The following ABCB7 variants were observed in gnomAD, a reference collection of about 807,000 sequenced individuals.
ABCB7 encodes iron-sulfur clusters transporter ABCB7, mitochondrial.
ABCB7 carries 7 observed loss-of-function variants against 54.4 expected under a neutral mutation model. That is an observed-to-expected ratio of 0.13 (90% CI 0.07 to 0.24). The LOEUF (loss-of-function observed/expected upper bound fraction) is 0.24. ABCB7 is among the 10% of genes least tolerant of loss of function. The pLI, the probability that ABCB7 is intolerant of heterozygous loss-of-function variation, is 1.00. For synonymous variants in ABCB7, 218 were observed against 207.1 expected (o/e 1.05, Z -0.45); for missense variants, 356 against 570.4 (o/e 0.62, Z 3.83).
intron 1 of ABCB7, among the ~76,000 whole-genome samples, chrX:75,130,141 C>A (rs189933799): frequency 9.0e-6 from 1 of 111,691 alleles, no homozygotes; most frequent in African/African-American, 3.3e-5. Flanking sequence ...GACTGATAAC[C>A]TTGAAATGTC....
At chrX:75,128,330 C>T (rs1042550032) in intron 1 of ABCB7, among the ~76,000 whole-genome samples, 1 of 111,028 alleles carries the variant, frequency 9.0e-6, no homozygotes, top group Non-Finnish European at 1.9e-5. Flanking sequence ...ACAAACCTGA[C>T]AAAAACAAGC....
intron 3 of ABCB7, among the ~76,000 whole-genome samples, chrX:75,110,081 C>T (rs2081745118): frequency 9.0e-6 from 1 of 111,669 alleles, no homozygotes; most frequent in Admixed American, 9.5e-5. Flanking sequence ...GTTTTCCGAG[C>T]TTTGTTGGTC....
At chrX:75,153,770 A>ATATATATATATATC (rs1409110667) in intron 1 of ABCB7, among the ~76,000 whole-genome samples, 1 of 102,752 alleles carries the variant, frequency 9.7e-6, no homozygotes, top group East Asian at 3.0e-4. Context: ...GTATATATAT[A>ATATATATATATATC]TATAAAATAT....
rs150594123 is a variant in ABCB7, at chrX:75,075,479, C to T, written c.738G>A (p.Thr246=). Reference sequence around the variant, plus strand: ...TGTCAATAGCCTTAGATAAAGCTCCCGTCTGTCTGCTCAGGTGAAAACCCA... The same window carrying T: ...TGTCAATAGCCTTAGATAAAGCTCCTGTCTGTCTGCTCAGGTGAAAACCCA... ...LDLGFHLSRQ[T]GALSKAIDRG... Residue 246 remains threonine, a synonymous_variant, in exon 6 of 16, where the codon ACG becomes ACA. Transcript: ENST00000373394. 90 of 1,209,496 alleles carry T rather than the reference C, an allele frequency of 7.4e-5. No homozygotes were observed. The highest frequency in any genetic ancestry group is 8.8e-5 in the African/African-American group (5 of 57,075).
At chrX:75,142,795 T>A (rs1262197100) in intron 1 of ABCB7, among the ~76,000 whole-genome samples, 1 of 112,434 alleles carries the variant, frequency 8.9e-6, no homozygotes, top group Non-Finnish European at 1.9e-5. Flanking sequence ...CCTACCTGTT[T>A]TCTCCTTCAA....
At chrX:75,089,416 G>A (rs889267914) in intron 4 of ABCB7, among the ~76,000 whole-genome samples, 1 of 111,070 alleles carries the variant, frequency 9.0e-6, no homozygotes, top group African/African-American at 3.3e-5. Flanking sequence ...TAAGTGATAG[G>A]GGGAATGAAT....
chrX:75,142,277 T>A (rs936434034), intron 1 of ABCB7, among the ~76,000 whole-genome samples: 3 of 112,121 alleles, frequency 2.7e-5, no homozygotes, highest in Non-Finnish European at 5.6e-5. Flanking sequence ...ATATTACTTG[T>A]AGTACCTAAT....
intron 3 of ABCB7, among the ~76,000 whole-genome samples, chrX:75,108,284 G>A (rs1305406515): frequency 9.0e-6 from 1 of 111,541 alleles, no homozygotes; most frequent in Non-Finnish European, 1.9e-5. Flanking sequence ...GCCACCCAGA[G>A]AGGAGGAACG....
chrX:75,138,725 A>G (rs2082033132), intron 1 of ABCB7, among the ~76,000 whole-genome samples: 2 of 111,698 alleles, frequency 1.8e-5, no homozygotes, highest in Non-Finnish European at 3.8e-5. Flanking sequence ...TTTCAGGGAT[A>G]TGAGGCCAGG....
chrX:75,125,724 C>A (rs1294516338), intron 1 of ABCB7, among the ~76,000 whole-genome samples: 1 of 111,110 alleles, frequency 9.0e-6, no homozygotes, highest in Non-Finnish European at 1.9e-5. Context: ...TAAACAGAGG[C>A]ATGATACAGA....
intron 4 of ABCB7, among the ~76,000 whole-genome samples, chrX:75,085,851 A>ATT (rs111232342): frequency 7.7e-5 from 8 of 103,711 alleles, no homozygotes; most frequent in East Asian, 3.1e-4. Flanking sequence ...AACTTTAAAT[A>ATT]TTTTTTTTTT....
At position 75,051,775 on chromosome X, in the gene ABCB7, A is replaced by G. The variant is rs1033947308; in HGVS notation, c.*1595T>C. On this transcript the variant is annotated 3_prime_UTR_variant, in exon 16 of 16. Transcript: ENST00000373394. ...TAAAGAGTATAATATGTAATACTCT[A>G]TTTACCTAAATGTTAATATTTTTTA... The G allele has an allele frequency of 2.7e-5, 3 of 112,515 alleles. No individual in the cohort carries two copies. Among genetic ancestry groups the G allele is most frequent in the African/African-American group, 9.7e-5 (3 of 30,990 alleles). 9.3% of individuals were successfully genotyped at this position (112,515 alleles called of 1,213,427 possible).
intron 2 of ABCB7, 28 bp from the exon 3 acceptor site, chrX:75,113,000 G>A (rs376996688): frequency 1.4e-4 from 157 of 1,120,810 alleles, no homozygotes; most frequent in Non-Finnish European, 1.7e-4. Flanking sequence ...CAAGCAGTCC[G>A]TTAGCTATTA....
chrX:75,060,422 G>A, intron 14 of ABCB7, 92 bp from the exon 15 acceptor site: 1 of 745,194 alleles, frequency 1.3e-6, no homozygotes, highest in Non-Finnish European at 2.0e-6. Flanking sequence ...TTTCCTAAAG[G>A]AACATAAAAA....
chrX:75,079,795 A>G (rs2081440962), intron 4 of ABCB7, among the ~76,000 whole-genome samples: 1 of 111,492 alleles, frequency 9.0e-6, no homozygotes, highest in East Asian at 2.8e-4. Flanking sequence ...CCAGCACCAC[A>G]ATCAACATAC....
rs747506707 is a variant in ABCB7 at position 75,133,355 on chromosome X, T to C, written c.169-18524A>G. Among the ~76,000 whole-genome samples, 5 of 112,027 alleles carry C rather than the reference T, an allele frequency of 4.5e-5. No homozygotes were observed. In the East Asian group the frequency reaches 8.4e-4, roughly 19 times the overall value. On this transcript the variant is annotated intron_variant, in intron 1 of 15. Transcript: ENST00000373394. The stretch of plus-strand genomic sequence containing the variant: ...GTAAACAGACCAAATCTATGACTAA[T>C]TGACATCCCTGAAAGACAGGGAGAG...
chrX:75,123,134 A>G (rs923678910), intron 1 of ABCB7, among the ~76,000 whole-genome samples: 3 of 110,460 alleles, frequency 2.7e-5, no homozygotes, highest in East Asian at 2.8e-4. Context: ...GCCTTTCCCT[A>G]TGTTTTCTTC....
chrX:75,134,892 C>T (rs1232057133), intron 1 of ABCB7, among the ~76,000 whole-genome samples: 1 of 111,223 alleles, frequency 9.0e-6, no homozygotes, highest in Non-Finnish European at 1.9e-5. Flanking sequence ...CTCAAGTTAA[C>T]AACCTAACAT....
chrX:75,116,098 C>A (rs2081815951), intron 1 of ABCB7, among the ~76,000 whole-genome samples: 1 of 111,735 alleles, frequency 8.9e-6, no homozygotes, highest in Non-Finnish European at 1.9e-5. Flanking sequence ...CTTATTAAGT[C>A]TTTTCTGGAA....
Sources: allele counts gnomAD v4.1 joint callset (sites outside exome capture counted in the v4.1 genomes callset), GRCh38; gene constraint gnomAD v4.1.1; transcripts MANE v1.5; gene names NCBI Gene and HGNC (gene_info 2026-07-23, HGNC 2026-07-21).